The following DPP10 variants were observed in gnomAD, a reference collection of about 807,000 sequenced individuals.
DPP10 encodes the protein dipeptidyl peptidase like 10.
In DPP10, 33 loss-of-function variants were observed where a neutral mutation model predicts 120.9. That is an observed-to-expected ratio of 0.27 (90% confidence interval 0.21 to 0.37). The LOEUF (loss-of-function observed/expected upper bound fraction) is 0.37, where lower values mean the gene tolerates loss of function less well. DPP10 is among the 10% of genes least tolerant of loss of function. DPP10 has a pLI of 1.00. For synonymous variants in DPP10, 337 were observed against 326.1 expected (o/e 1.03, Z -0.36); for missense variants, 816 against 942.8 (o/e 0.87, Z 1.76).
chr2:114,510,859 A>G (rs1684087080), intron 1 of DPP10, among the ~76,000 whole-genome samples: 1 of 152,228 alleles, frequency 6.6e-6, no homozygotes, highest in African/African-American at 2.4e-5. Flanking sequence ...ACAATTGTAC[A>G]CTCAAACACA....
chr2:114,823,404 A>G (rs1192122085), intron 1 of DPP10, among the ~76,000 whole-genome samples: 1 of 152,196 alleles, frequency 6.6e-6, no homozygotes, highest in Non-Finnish European at 1.5e-5. Context: ...TGGGAAATGT[A>G]ATTCAAGATG....
At chr2:114,888,343 A>G (rs1430809192) in intron 1 of DPP10, among the ~76,000 whole-genome samples, 1 of 152,128 alleles carries the variant, frequency 6.6e-6, no homozygotes, top group African/African-American at 2.4e-5. Flanking sequence ...AAGGAACACA[A>G]ACTAAGTAGG....
At chr2:114,548,592 G>A (rs2104853290) in intron 1 of DPP10, among the ~76,000 whole-genome samples, 1 of 152,272 alleles carries the variant, frequency 6.6e-6, no homozygotes, top group Non-Finnish European at 1.5e-5. Context: ...GGCCAAGCAT[G>A]GAAATCTAGG....
At chr2:115,030,586 G>A (rs970566145) in intron 1 of DPP10, among the ~76,000 whole-genome samples, 11 of 152,080 alleles carry the variant, frequency 7.2e-5, no homozygotes, top group African/African-American at 2.7e-4. Flanking sequence ...GATCACCTAG[G>A]TATTAAGCCC....
At chr2:115,029,555 A>G (rs966730105) in intron 1 of DPP10, among the ~76,000 whole-genome samples, 3 of 151,172 alleles carry the variant, frequency 2.0e-5, no homozygotes, top group East Asian at 2.0e-4. Context: ...GAAAAACTTT[A>G]TTTCTCACTC....
At chr2:115,423,568 A>T (rs1162367477) in intron 3 of DPP10, among the ~76,000 whole-genome samples, 1 of 152,154 alleles carries the variant, frequency 6.6e-6, no homozygotes, top group Non-Finnish European at 1.5e-5. Context: ...TGACAAAAAG[A>T]ACGGCTTTGC....
chr2:115,228,597 T>C (rs1318338390), intron 1 of DPP10, among the ~76,000 whole-genome samples: 1 of 152,118 alleles, frequency 6.6e-6, no homozygotes, highest in Non-Finnish European at 1.5e-5. Flanking sequence ...TTAAAAAATT[T>C]AGTTTCCACA....
chr2:115,715,221 C>T (rs2092451422), intron 7 of DPP10, among the ~76,000 whole-genome samples: 1 of 150,670 alleles, frequency 6.6e-6, no homozygotes. Flanking sequence ...TGCCTGTAAT[C>T]CCAGCTACTT....
intron 3 of DPP10, among the ~76,000 whole-genome samples, chr2:115,360,298 C>G (rs1381706378): frequency 2.0e-5 from 3 of 152,040 alleles, no homozygotes; most frequent in Admixed American, 6.6e-5. Context: ...TATTCTTTTT[C>G]TCTCTGGAGG....
chr2:115,103,364 A>G (rs779372393), intron 1 of DPP10, among the ~76,000 whole-genome samples: 6 of 151,690 alleles, frequency 4.0e-5, no homozygotes, highest in Admixed American at 1.3e-4. Context: ...ATTTTTTTGT[A>G]CTTTTAGTAC....
At chr2:114,472,717 A>G (rs1680026361) in intron 1 of DPP10, among the ~76,000 whole-genome samples, 1 of 152,202 alleles carries the variant, frequency 6.6e-6, no homozygotes, top group African/African-American at 2.4e-5. Flanking sequence ...CACAAAGTTT[A>G]GTGGTGATGG....
chr2:115,402,905 ATATATATGTGTG>A (rs1443547480), intron 3 of DPP10, among the ~76,000 whole-genome samples: 11 of 142,300 alleles, frequency 7.7e-5, no homozygotes, highest in African/African-American at 2.9e-4. Flanking sequence ...ATATATATGT[ATATATATGTGTG>A]TATATATATA....
chr2:115,401,877 C>G (rs921388729), intron 3 of DPP10, among the ~76,000 whole-genome samples: 2 of 151,514 alleles, frequency 1.3e-5, no homozygotes, highest in Non-Finnish European at 1.5e-5. Flanking sequence ...CTACATGGGA[C>G]CAGATATTGG....
intron 21 of DPP10, among the ~76,000 whole-genome samples, chr2:115,817,048 G>A (rs1029324698): frequency 1.6e-4 from 24 of 150,236 alleles, no homozygotes; most frequent in Non-Finnish European, 3.1e-4. Flanking sequence ...GGAGATAGAG[G>A]CCATCTTGGC....
At chr2:114,707,711 C>A (rs1012769872) in intron 1 of DPP10, among the ~76,000 whole-genome samples, 30 of 152,122 alleles carry the variant, frequency 2.0e-4, no homozygotes, top group Admixed American at 1.8e-3. Flanking sequence ...AGGTGCCCAG[C>A]TTAATTTCTG....
chr2:115,381,276 T>C (rs926419580), intron 3 of DPP10, among the ~76,000 whole-genome samples: 3 of 152,188 alleles, frequency 2.0e-5, no homozygotes, highest in African/African-American at 4.8e-5. Context: ...TTCTCTAAGC[T>C]TCCCTTCTCA....
At chr2:115,378,933 G>A (rs992143707) in intron 3 of DPP10, among the ~76,000 whole-genome samples, 3 of 152,198 alleles carry the variant, frequency 2.0e-5, no homozygotes, top group Non-Finnish European at 4.4e-5. Flanking sequence ...GCTTTTTGAT[G>A]TGCTGCTGGA....
intron 1 of DPP10, among the ~76,000 whole-genome samples, chr2:114,844,192 C>G (rs907182717): frequency 6.6e-5 from 10 of 152,072 alleles, no homozygotes; most frequent in African/African-American, 2.4e-4. Context: ...GTAACTACCC[C>G]TGGTATTCTG....
At chr2:114,768,824 G>A (rs988569256) in intron 1 of DPP10, among the ~76,000 whole-genome samples, 1 of 152,060 alleles carries the variant, frequency 6.6e-6, no homozygotes, top group Admixed American at 6.6e-5. Context: ...TTCAATATTT[G>A]ATAAAATATT....
Sources: gnomAD v4.1 joint callset for allele counts (sites outside exome capture counted in the v4.1 genomes callset) on GRCh38, gnomAD v4.1.1 for gene constraint, MANE v1.5 for transcripts, NCBI Gene and HGNC (gene_info 2026-07-23, HGNC 2026-07-21) for gene names.